The following OR6N1 variants were observed in gnomAD, a reference collection of about 807,000 sequenced individuals.
The protein encoded by OR6N1 is olfactory receptor 6N1.
For missense variants in OR6N1, 394 were observed against 371.7 expected, an observed-to-expected ratio of 1.06 and a Z score of -0.49; for synonymous variants, 170 against 150.7, an observed-to-expected ratio of 1.13 and a Z score of -0.94.
At chr1:158,829,547 C>T in the OR6N1 span, among the ~76,000 whole-genome samples, 62 of 152,318 alleles carry the variant, frequency 4.1e-4, no homozygotes, top group African/African-American at 1.5e-3. Context: ...TTGTTTCTGT[C>T]ACTATCAGCA....
the OR6N1 span, among the ~76,000 whole-genome samples, chr1:158,794,622 C>T: frequency 1.3e-5 from 2 of 152,142 alleles, no homozygotes; most frequent in African/African-American, 4.8e-5. Context: ...TCTAAGGTTT[C>T]CTTAGTTAGA....
the OR6N1 span, among the ~76,000 whole-genome samples, chr1:158,829,404 T>A: frequency 6.6e-6 from 1 of 152,098 alleles, no homozygotes; most frequent in Non-Finnish European, 1.5e-5. Flanking sequence ...TCTCTCAAAC[T>A]CTAAGACACA....
At position 158,766,201 on chromosome 1, in the gene OR6N1, G is replaced by A. The variant is rs748135010; in HGVS notation, c.482C>T (p.Ser161Phe). The A allele has an allele frequency of 6.2e-7, 1 of 1,614,156 alleles. No homozygotes were observed. The highest frequency in any genetic ancestry group is 1.7e-5 in the Admixed American group (1 of 60,010). ...GGLAGPVVEI[S>F]LISRLPFCGP... Reference sequence around the variant, plus strand: ...ACAGAATGGGAGGCGTGAAATCAAGGAAATTTCAACTACTGGCCCAGCCAA... The same window carrying A: ...ACAGAATGGGAGGCGTGAAATCAAGAAAATTTCAACTACTGGCCCAGCCAA... Residue 161 changes from serine to phenylalanine, a missense_variant, in exon 2 of 2, where the codon TCC (serine) becomes TTC (phenylalanine). Physicochemically the swap from Ser to Phe is radical, Grantham distance 155 (BLOSUM62 -2). Transcript: ENST00000641846.
the OR6N1 span, among the ~76,000 whole-genome samples, chr1:158,792,663 T>C: frequency 6.6e-6 from 1 of 152,354 alleles, no homozygotes; most frequent in African/African-American, 2.4e-5. Flanking sequence ...TAAAAAATTA[T>C]TGGTTGACAG....
chr1:158,809,259 A>C, the OR6N1 span: 2 of 152,828 alleles, frequency 1.3e-5, no homozygotes, highest in African/African-American at 4.8e-5. Flanking sequence ...CAAGAAGGCA[A>C]GAGGTTGTAG....
the OR6N1 span, among the ~76,000 whole-genome samples, chr1:158,818,321 C>T: frequency 2.2e-4 from 33 of 152,254 alleles, no homozygotes; most frequent in African/African-American, 7.5e-4. Flanking sequence ...ATTCTACTAA[C>T]GTTGGCAGTG....
chr1:158,832,244 T>G, the OR6N1 span, among the ~76,000 whole-genome samples: 2 of 152,192 alleles, frequency 1.3e-5, no homozygotes, highest in African/African-American at 4.8e-5. Flanking sequence ...TTTTTATGGC[T>G]TTGTACATAT....
At chr1:158,811,314 C>T in the OR6N1 span, among the ~76,000 whole-genome samples, 2 of 152,314 alleles carry the variant, frequency 1.3e-5, no homozygotes, top group South Asian at 4.1e-4. Context: ...ACTACCCTCA[C>T]TATCTCCCCT....
At chr1:158,807,562 C>G in the OR6N1 span, among the ~76,000 whole-genome samples, 1 of 152,190 alleles carries the variant, frequency 6.6e-6, no homozygotes, top group Non-Finnish European at 1.5e-5. Context: ...TTTTCTCCAT[C>G]AAACTACATT....
chr1:158,798,136 C>T, the OR6N1 span, among the ~76,000 whole-genome samples: 1 of 151,332 alleles, frequency 6.6e-6, no homozygotes, highest in African/African-American at 2.4e-5. Flanking sequence ...TTATTTTTGC[C>T]CCTCTCTCTC....
chr1:158,794,566 A>G, the OR6N1 span, among the ~76,000 whole-genome samples: 1 of 152,174 alleles, frequency 6.6e-6, no homozygotes, highest in East Asian at 1.9e-4. Context: ...GTCTCCCAGC[A>G]GCAGGTACCA....
rs1439464112 is a variant in OR6N1, at chr1:158,766,484, A to G, written c.199T>C (p.Ser67Pro). ...GCTGTATAGCCAAGCTCTGAGAAGG[A>G]GAGAATGCTGACAAAGTGGTACATG... is the stretch of plus-strand genomic sequence containing the variant. ...TPMYHFVSIL[S>P]FSELGYTAAT... Residue 67 changes from serine (S) to proline (P), a missense_variant, in exon 2 of 2, where the codon TCC becomes CCC. By Grantham distance (74) the Ser-to-Pro change is moderately conservative. Transcript: ENST00000641846. The G allele has an allele frequency of 1.9e-6, 3 of 1,614,186 alleles. No homozygotes were observed. The highest frequency in any genetic ancestry group is 2.2e-5 in the East Asian group (1 of 44,882).
chr1:158,766,428 C>A lies in OR6N1; in HGVS notation c.255G>T (p.Leu85Phe), dbSNP rs1435088175. Residue 85 changes from leucine (L) to phenylalanine (F), a missense_variant, in exon 2 of 2, where the codon TTG becomes TTT. Coordinates refer to ENST00000641846, the MANE Select transcript of OR6N1 (RefSeq NM_001005185.2). ...ATGAAATGGTCTTTTTCTCACTGAG[C>A]AAGTTTGCCAGCATCTTAGGGATGG... ...AATIPKMLAN[L>F]LSEKKTISFS... The A allele has an allele frequency of 9.3e-6, 15 of 1,613,952 alleles. No homozygotes were observed. Among genetic ancestry groups the A allele is most frequent in the African/African-American group, 1.3e-5 (1 of 74,894 alleles).
the OR6N1 span, among the ~76,000 whole-genome samples, chr1:158,791,654 G>C: frequency 6.6e-6 from 1 of 152,044 alleles, no homozygotes; most frequent in African/African-American, 2.4e-5. Context: ...ATTTTTAGTA[G>C]AGATGGGGTT....
chr1:158,777,063 G>A (rs755819659), upstream of OR6N1: 1 of 1,614,078 alleles, frequency 6.2e-7, no homozygotes, highest in East Asian at 2.2e-5. Flanking sequence ...TAGCAGATGT[G>A]TCCTTGCAGG....
the OR6N1 span, among the ~76,000 whole-genome samples, chr1:158,800,542 C>T: frequency 6.6e-6 from 1 of 152,228 alleles, no homozygotes; most frequent in South Asian, 2.1e-4. Context: ...TCAAATTGGA[C>T]AACTTATCCA....
Position 158,765,096 on chromosome 1 carries a change from A to G in OR6N1, c.*648T>C, listed in dbSNP as rs548404414. On this transcript the variant is annotated 3_prime_UTR_variant, in exon 2 of 2. Coordinates refer to ENST00000641846, the MANE Select transcript of OR6N1 (RefSeq NM_001005185.2). ...AAAAACAAGTCCTTATTTATTTACT[A>G]TCACCTACATGTCAGACACTGTGCA... 3 of 152,296 alleles carry G rather than the reference A, an allele frequency of 2.0e-5. No individual in the cohort carries two copies. In the South Asian group the frequency reaches 6.2e-4, roughly 32 times the overall value. 9.4% of individuals were successfully genotyped at this position (152,296 alleles called of 1,614,324 possible).
the OR6N1 span, among the ~76,000 whole-genome samples, chr1:158,784,457 A>G: frequency 4.6e-5 from 7 of 152,136 alleles, no homozygotes; most frequent in Non-Finnish European, 8.8e-5. Context: ...GCTACTTGGA[A>G]ATATGCAATA....
At chr1:158,812,330 GA>G in the OR6N1 span, among the ~76,000 whole-genome samples, 3 of 152,228 alleles carry the variant, frequency 2.0e-5, no homozygotes, top group Non-Finnish European at 4.4e-5. Context: ...TGAGGAATGA[GA>G]GGTTTGTAAA....
Sources: gnomAD v4.1 joint callset for allele counts (sites outside exome capture counted in the v4.1 genomes callset) on GRCh38, gnomAD v4.1.1 for gene constraint, MANE v1.5 for transcripts, NCBI Gene and HGNC (gene_info 2026-07-23, HGNC 2026-07-21) for gene names.